The following CEP128 variants were observed in gnomAD, a reference collection of about 807,000 sequenced individuals.
CEP128 encodes the protein centrosomal protein 128.
A neutral mutation model predicts 156.7 loss-of-function variants in CEP128; 132 were observed. The ratio of observed to expected loss-of-function variants is 0.84; its 90% confidence interval spans 0.73 to 0.97. CEP128 has a LOEUF of 0.97. Ranked by LOEUF, CEP128 falls within the 50% of genes least tolerant of loss-of-function variation. The pLI is 0.00. For synonymous variants in CEP128, 469 were observed against 448.9 expected (o/e 1.04, Z -0.57); for missense variants, 1,252 against 1,281.9 (o/e 0.98, Z 0.36).
chr14:80,624,978 A>G (rs927307358), intron 19 of CEP128, among the ~76,000 whole-genome samples: 3 of 152,186 alleles, frequency 2.0e-5, no homozygotes, highest in African/African-American at 7.2e-5. Flanking sequence ...AGTCTTACCC[A>G]AGAAATCTTT....
chr14:80,646,213 T>C (rs1377149522), intron 19 of CEP128, among the ~76,000 whole-genome samples: 1 of 152,116 alleles, frequency 6.6e-6, no homozygotes, highest in Non-Finnish European at 1.5e-5. Flanking sequence ...GGATGATGTG[T>C]CAATATAGGT....
intron 19 of CEP128, among the ~76,000 whole-genome samples, chr14:80,717,097 G>A (rs1033950100): frequency 8.6e-5 from 13 of 152,010 alleles, no homozygotes; most frequent in Non-Finnish European, 1.5e-5. Flanking sequence ...AGTTACAGGG[G>A]CAAAGCAAAG....
At chr14:80,798,841 A>G (rs1441006673) in intron 13 of CEP128, among the ~76,000 whole-genome samples, 2 of 152,194 alleles carry the variant, frequency 1.3e-5, no homozygotes, top group South Asian at 2.1e-4. Flanking sequence ...TTTTTCCTCT[A>G]CTCACACTTG....
chr14:80,535,246 G>A (rs535113392), intron 21 of CEP128, among the ~76,000 whole-genome samples: 2 of 152,328 alleles, frequency 1.3e-5, no homozygotes, highest in African/African-American at 4.8e-5. Flanking sequence ...GAGGACCGGA[G>A]AGTGTAAATA....
chr14:80,889,710 G>A (rs955834202), intron 8 of CEP128, among the ~76,000 whole-genome samples: 1 of 152,118 alleles, frequency 6.6e-6, no homozygotes, highest in Non-Finnish European at 1.5e-5. Context: ...CAGGACTTAG[G>A]CATGGGTAAA....
At chr14:80,499,543 G>A (rs1394218833) in intron 24 of CEP128, among the ~76,000 whole-genome samples, 2 of 151,778 alleles carry the variant, frequency 1.3e-5, no homozygotes, top group African/African-American at 2.4e-5. Flanking sequence ...CTTCCTTTTG[G>A]GCTTATTTAT....
Position 80,643,869 on chromosome 14 carries a change from C to T in CEP128, c.2807-63446G>A, listed in dbSNP as rs144040388. 5.0e-3 allele frequency among the ~76,000 whole-genome samples: 757 copies of T among 152,258 alleles called. 2 individuals are homozygous for T. Among genetic ancestry groups the T allele is most frequent in the African/African-American group, 0.017 (722 of 41,560 alleles). On this transcript the variant is annotated intron_variant, in intron 19 of 24. Coordinates refer to ENST00000555265, the MANE Select transcript of CEP128 (RefSeq NM_152446.5). ...CTAAGTAAAAACAGTGACTAGTGAA[C>T]TCCCAAATTTCATGTCTATCTGGAA... is the stretch of plus-strand genomic sequence containing the variant.
intron 9 of CEP128, among the ~76,000 whole-genome samples, chr14:80,847,930 T>C (rs1398380822): frequency 6.6e-6 from 1 of 152,206 alleles, no homozygotes; most frequent in Non-Finnish European, 1.5e-5. Context: ...ACTGAATGAA[T>C]AGTTACTATA....
chr14:80,655,480 T>A (rs867673443), intron 19 of CEP128, among the ~76,000 whole-genome samples: 2 of 152,202 alleles, frequency 1.3e-5, no homozygotes, highest in Non-Finnish European at 2.9e-5. Flanking sequence ...TATTCCTGTA[T>A]AATTCTCCTA....
At chr14:80,495,437 C>T (rs879944608), downstream of CEP128, among the ~76,000 whole-genome samples, 2 of 152,048 alleles carry the variant, frequency 1.3e-5, no homozygotes, top group East Asian at 1.9e-4. Context: ...GTTGACTTTG[C>T]CTTTGAAGTT....
At chr14:80,502,504 T>G (rs1037947189) in intron 24 of CEP128, among the ~76,000 whole-genome samples, 7 of 152,172 alleles carry the variant, frequency 4.6e-5, no homozygotes, top group African/African-American at 1.7e-4. Context: ...TTTCTCTCTA[T>G]TGTCTCATTC....
chr14:80,952,623 C>T (rs954397535), intron 2 of CEP128, among the ~76,000 whole-genome samples: 2 of 151,518 alleles, frequency 1.3e-5, no homozygotes, highest in Non-Finnish European at 2.9e-5. Flanking sequence ...CCAATTAAAC[C>T]CCAAGTAGGC....
At chr14:80,751,160 T>C (rs1220478959) in intron 18 of CEP128, among the ~76,000 whole-genome samples, 2 of 152,194 alleles carry the variant, frequency 1.3e-5, no homozygotes, top group African/African-American at 2.4e-5. Context: ...ATTCATTGTG[T>C]GGTATTTCGT....
intron 19 of CEP128, among the ~76,000 whole-genome samples, chr14:80,647,133 A>ACG: frequency 6.8e-6 from 1 of 148,018 alleles, no homozygotes; most frequent in Non-Finnish European, 1.5e-5. Context: ...ACATACACAC[A>ACG]CACACACACA....
intron 21 of CEP128, among the ~76,000 whole-genome samples, chr14:80,532,697 T>C (rs1339954651): frequency 2.0e-5 from 3 of 152,202 alleles, no homozygotes; most frequent in East Asian, 3.9e-4. Context: ...TTTCCATTGC[T>C]ATCCCCTTGG....
intron 9 of CEP128, among the ~76,000 whole-genome samples, chr14:80,844,164 CAAAAAAAAATT>C (rs1387994199): frequency 6.8e-6 from 1 of 147,222 alleles, no homozygotes; most frequent in African/African-American, 2.5e-5. Context: ...AAAACCAAAA[CAAAAAAAAATT>C]AAGTTTCTTT....
chr14:80,857,446 A>G (rs1211391610), intron 9 of CEP128, among the ~76,000 whole-genome samples: 1 of 152,038 alleles, frequency 6.6e-6, no homozygotes, highest in Admixed American at 6.6e-5. Flanking sequence ...CAACACTTGA[A>G]TTTAGGTCGG....
intron 19 of CEP128, among the ~76,000 whole-genome samples, chr14:80,617,369 T>A (rs1397400793): frequency 6.6e-6 from 1 of 151,776 alleles, no homozygotes; most frequent in African/African-American, 2.4e-5. Flanking sequence ...CAGCTGGGAC[T>A]ACAGGCGCAA....
chr14:80,786,396 A>T (rs776099496), intron 14 of CEP128, among the ~76,000 whole-genome samples: 16 of 152,230 alleles, frequency 1.1e-4, no homozygotes, highest in Non-Finnish European at 2.1e-4. Context: ...AATTACAAAT[A>T]ATGAGTTAAA....
Sources: gnomAD v4.1 joint callset for allele counts (sites outside exome capture counted in the v4.1 genomes callset) on GRCh38, gnomAD v4.1.1 for gene constraint, MANE v1.5 for transcripts, NCBI Gene and HGNC (gene_info 2026-07-23, HGNC 2026-07-21) for gene names.